The following DPYS variants were observed in gnomAD, a reference collection of about 807,000 sequenced individuals.
DPYS encodes the protein dihydropyrimidine amidohydrolase.
In DPYS, 39 loss-of-function variants were observed where a neutral mutation model predicts 50.3. The ratio of observed to expected loss-of-function variants is 0.78; its 90% CI spans 0.60 to 1.01. DPYS has a LOEUF of 1.01. Among genes scored for constraint, DPYS ranks in the 50% least tolerant of loss-of-function variants. The pLI, the probability that DPYS is intolerant of heterozygous loss-of-function variation, is 0.00. For missense variants in DPYS, 659 were observed against 680.9 expected (o/e 0.97, Z 0.36); for synonymous variants, 245 against 250.7 (o/e 0.98, Z 0.22).
At chr8:104,456,659 T>C (rs773034257) in intron 1 of DPYS, among the ~76,000 whole-genome samples, 1 of 152,256 alleles carries the variant, frequency 6.6e-6, no homozygotes, top group Non-Finnish European at 1.5e-5. Context: ...GTTATTTCCT[T>C]TGCTTTTATT....
At chr8:104,440,871 T>A (rs1224431506) in intron 4 of DPYS, among the ~76,000 whole-genome samples, 2 of 152,218 alleles carry the variant, frequency 1.3e-5, no homozygotes, top group African/African-American at 4.8e-5. Flanking sequence ...CTTATTTACA[T>A]CTATCTTGCT....
chr8:104,423,447 C>A (rs1812615394), intron 7 of DPYS, among the ~76,000 whole-genome samples: 1 of 152,176 alleles, frequency 6.6e-6, no homozygotes, highest in African/African-American at 2.4e-5. Context: ...GCCTTTGTGA[C>A]AATATTAGCC....
At chr8:104,412,479 T>C (rs1812215910) in intron 7 of DPYS, among the ~76,000 whole-genome samples, 1 of 152,172 alleles carries the variant, frequency 6.6e-6, no homozygotes, top group South Asian at 2.1e-4. Context: ...AAGCATTGTG[T>C]GTGCGGTTAG....
chr8:104,422,580 G>A (rs1171906625), intron 7 of DPYS, among the ~76,000 whole-genome samples: 1 of 152,234 alleles, frequency 6.6e-6, no homozygotes, highest in South Asian at 2.1e-4. Flanking sequence ...AAAAACCCAC[G>A]AGAGCTGTGA....
chr8:104,466,551 G>GGCGCC (rs1205285414), intron 1 of DPYS, 106 bp downstream of exon 1: 4 of 1,286,064 alleles, frequency 3.1e-6, no homozygotes, highest in Admixed American at 3.9e-5. Flanking sequence ...CCAGCTCCTC[G>GGCGCC]GCGCCGCGCC....
At chr8:104,429,360 C>T (rs1812866596) in intron 5 of DPYS, 185 bp downstream of exon 5, 3 of 648,002 alleles carry the variant, frequency 4.6e-6, no homozygotes, top group South Asian at 2.0e-5. Flanking sequence ...AAGGCTTTGA[C>T]AACATATCAC....
chr8:104,460,767 T>G (rs965243464), intron 1 of DPYS, among the ~76,000 whole-genome samples: 2 of 152,138 alleles, frequency 1.3e-5, no homozygotes, highest in Admixed American at 6.5e-5. Context: ...ATCTTTGAGT[T>G]TTTTTGTGCT....
chr8:104,401,740 C>T (rs778414266), intron 7 of DPYS, among the ~76,000 whole-genome samples: 1 of 152,096 alleles, frequency 6.6e-6, no homozygotes, highest in East Asian at 1.9e-4. Context: ...TTCAAACTAC[C>T]TCTTCTGTCA....
rs140260158 is a variant in DPYS at position 104,442,322 on chromosome 8, C to A, written c.793+1926G>T. 3.4e-3 allele frequency among the ~76,000 whole-genome samples: 522 copies of A among 152,234 alleles called. 2 individuals carry two copies. The highest frequency in any genetic ancestry group is 0.017 in the Middle Eastern group (5 of 294). On this transcript the variant is annotated intron_variant, in intron 4 of 9. Coordinates refer to ENST00000351513, the MANE Select transcript of DPYS (RefSeq NM_001385.3). The stretch of plus-strand genomic sequence containing the variant: ...TTCTATCCCAATGCAAAACAAATAC[C>A]CAAGATCAAGAAACTGCTTCCTGAC...
chr8:104,465,438 C>T (rs1470612599), intron 1 of DPYS, among the ~76,000 whole-genome samples: 2 of 152,172 alleles, frequency 1.3e-5, no homozygotes, highest in East Asian at 3.9e-4. Flanking sequence ...TACATCTTCA[C>T]TTTGGAAGGA....
At chr8:104,428,438 T>G (rs1309907792) in intron 5 of DPYS, among the ~76,000 whole-genome samples, 1 of 152,226 alleles carries the variant, frequency 6.6e-6, no homozygotes, top group Non-Finnish European at 1.5e-5. Context: ...TAGAAATGAA[T>G]AGTCACATGT....
intron 7 of DPYS, among the ~76,000 whole-genome samples, chr8:104,399,744 C>G (rs1049455715): frequency 3.3e-5 from 5 of 151,218 alleles, no homozygotes; most frequent in African/African-American, 9.7e-5. Flanking sequence ...TGGCGGGCAC[C>G]TGTAGTCCCA....
intron 7 of DPYS, among the ~76,000 whole-genome samples, chr8:104,414,934 A>G (rs916168425): frequency 6.6e-6 from 1 of 152,232 alleles, no homozygotes; most frequent in Non-Finnish European, 1.5e-5. Context: ...TCTGGAATGC[A>G]TCTTTGTCAA....
At chr8:104,457,425 A>G (rs866086301) in intron 1 of DPYS, among the ~76,000 whole-genome samples, 11 of 152,190 alleles carry the variant, frequency 7.2e-5, no homozygotes, top group African/African-American at 1.2e-4. Flanking sequence ...GGAATTTTCC[A>G]CTTAAGTTTT....
intron 7 of DPYS, among the ~76,000 whole-genome samples, chr8:104,413,885 T>C (rs888868615): frequency 5.3e-5 from 8 of 152,158 alleles, no homozygotes; most frequent in African/African-American, 1.9e-4. Context: ...GACAAGTGTG[T>C]GTCAAGAGAA....
At chr8:104,401,232 T>C (rs1412048324) in intron 7 of DPYS, among the ~76,000 whole-genome samples, 3 of 152,132 alleles carry the variant, frequency 2.0e-5, no homozygotes, top group Admixed American at 2.0e-4. Context: ...TGTTGTGTGA[T>C]GCCTTATGTA....
At position 104,466,829 on chromosome 8, in the gene DPYS, A is replaced by G; in HGVS notation, c.92T>C (p.Val31Ala). Residue 31 changes from valine (V) to alanine (A), a missense_variant, in exon 1 of 10, where the codon GTG becomes GCG. By Grantham distance (64) the Val-to-Ala change is moderately conservative. Transcript: ENST00000351513. ...EVADVLVEDG[V>A]VRALGHDLLP... ...CAGGTCGTGCCCGAGTGCCCGCACCACGCCGTCCTCCACCAGCACGTCGGC... is the reference window on the plus strand; with the variant it reads ...CAGGTCGTGCCCGAGTGCCCGCACCGCGCCGTCCTCCACCAGCACGTCGGC... The G allele has an allele frequency of 6.5e-7, 1 of 1,533,094 alleles. No individual in the cohort carries two copies. Among genetic ancestry groups the G allele is most frequent in the Non-Finnish European group, 8.7e-7 (1 of 1,145,326 alleles). 95.0% of individuals were successfully genotyped at this position (1,533,094 alleles called of 1,614,324 possible). A position where few individuals can be genotyped will look rare whatever the true frequency, so the allele number is the denominator to read the frequency against.
In DPYS at chr8:104,447,188, G is replaced by C. The variant is rs964873926; in HGVS notation, c.603+136C>G. On this transcript the variant is annotated intron_variant, in intron 3 of 9. Transcript: ENST00000351513. ...TCTGAGCCACAGAAAATCCGTTTCC[G>C]AGCCACGGAAAATCCATTTCTGGAT... 1.1e-5 allele frequency: 13 copies of C among 1,167,382 alleles called. No individual in the cohort carries two copies. In the African/African-American group the frequency reaches 2.0e-4, roughly 18 times the overall value. 72.3% of individuals were successfully genotyped at this position (1,167,382 alleles called of 1,614,324 possible).
chr8:104,391,262 A>T (rs913792264), intron 8 of DPYS, among the ~76,000 whole-genome samples: 2 of 151,152 alleles, frequency 1.3e-5, no homozygotes, highest in Non-Finnish European at 2.9e-5. Context: ...AAATGAATTG[A>T]ATCAAAAAAA....
Sources: gnomAD v4.1 joint callset for allele counts (sites outside exome capture counted in the v4.1 genomes callset) on GRCh38, gnomAD v4.1.1 for gene constraint, MANE v1.5 for transcripts, NCBI Gene and HGNC (gene_info 2026-07-23, HGNC 2026-07-21) for gene names.